The following CASK variants were observed in gnomAD, a reference collection of about 807,000 sequenced individuals.
CASK encodes the protein calcium/calmodulin dependent serine protein kinase.
A neutral mutation model predicts 82.9 loss-of-function variants in CASK; 4 were observed. The ratio of observed to expected loss-of-function variants is 0.05; its 90% CI spans 0.02 to 0.11. The LOEUF (loss-of-function observed/expected upper bound fraction) is 0.11. Among genes scored for constraint, CASK ranks in the 10% least tolerant of loss-of-function variants. The pLI is 1.00. For synonymous variants in CASK, 259 were observed against 253.5 expected, an observed-to-expected ratio of 1.02 and a Z score of -0.20; for missense variants, 358 against 720.9, an observed-to-expected ratio of 0.50 and a Z score of 5.76.
rs760351366 is a variant in CASK at position 41,602,322 on chromosome X, T to C, written c.1155+7582A>G. ...TTTCAGTATACAAATCCTACATTTT[T>C]TTTGTTCAATTTATTCCTATTTTAT... On this transcript the variant is annotated intron_variant, in intron 12 of 26. Coordinates refer to ENST00000378163, the MANE Select transcript of CASK (RefSeq NM_001367721.1). 3.6e-5 allele frequency among the ~76,000 whole-genome samples: 4 copies of C among 111,993 alleles called. No homozygotes were observed. The East Asian group carries it at 1.1e-3, about 31-fold the overall frequency.
chrX:41,914,035 C>A (rs921577406), intron 1 of CASK, among the ~76,000 whole-genome samples: 5 of 112,054 alleles, frequency 4.5e-5, no homozygotes, highest in Non-Finnish European at 7.5e-5. Flanking sequence ...CATGGAAGGA[C>A]TAGAGAGAGA....
intron 3 of CASK, among the ~76,000 whole-genome samples, chrX:41,761,537 T>C (rs750038751): frequency 3.6e-5 from 4 of 112,273 alleles, no homozygotes; most frequent in Non-Finnish European, 7.5e-5. Context: ...TAGGCAAGTT[T>C]CTGGCTAAAA....
intron 15 of CASK, among the ~76,000 whole-genome samples, chrX:41,573,075 CTTTTTTT>C (rs147599527): frequency 2.0e-4 from 18 of 87,912 alleles, no homozygotes; most frequent in East Asian, 3.5e-4. Context: ...TTTCTTTTTT[CTTTTTTT>C]TTTTTTTTTT....
chrX:41,555,071 C>G (rs1015582231), intron 20 of CASK, among the ~76,000 whole-genome samples: 2 of 112,612 alleles, frequency 1.8e-5, no homozygotes, highest in Non-Finnish European at 3.8e-5. Flanking sequence ...CAGTGTTAGG[C>G]AGCACTTAAC....
intron 18 of CASK, among the ~76,000 whole-genome samples, chrX:41,557,377 A>C (rs753410503): frequency 7.2e-5 from 8 of 111,776 alleles, no homozygotes; most frequent in Admixed American, 2.9e-4. Flanking sequence ...TGAGACCCAG[A>C]AGAGTGACTT....
At chrX:41,896,170 C>T (rs965736831) in intron 1 of CASK, among the ~76,000 whole-genome samples, 10 of 111,901 alleles carry the variant, frequency 8.9e-5, no homozygotes, top group African/African-American at 2.6e-4. Context: ...ACAAAAGATT[C>T]AATTTAGAAA....
intron 1 of CASK, among the ~76,000 whole-genome samples, chrX:41,912,699 G>A (rs947432392): frequency 9.4e-6 from 1 of 106,126 alleles, no homozygotes; most frequent in Non-Finnish European, 1.9e-5. Context: ...CGCTTTGGGA[G>A]GTTGGGGCAG....
intron 9 of CASK, among the ~76,000 whole-genome samples, chrX:41,634,867 G>C (rs2066527281): frequency 8.9e-6 from 1 of 112,234 alleles, no homozygotes. Flanking sequence ...AAACTTCTTT[G>C]GCTACCATCT....
At chrX:41,852,219 G>T (rs1398076717) in intron 2 of CASK, among the ~76,000 whole-genome samples, 3 of 111,385 alleles carry the variant, frequency 2.7e-5, no homozygotes, top group African/African-American at 9.8e-5. Context: ...TCCAGGAACA[G>T]ACAAACTTGA....
chrX:41,735,645 C>T (rs1240880740), intron 5 of CASK, among the ~76,000 whole-genome samples: 2 of 108,668 alleles, frequency 1.8e-5, no homozygotes, highest in Non-Finnish European at 3.8e-5. Context: ...CTCCTTTTTA[C>T]TCTCCTCTTT....
chrX:41,877,873 C>T (rs991622928), intron 1 of CASK, among the ~76,000 whole-genome samples: 23 of 110,744 alleles, frequency 2.1e-4, no homozygotes, highest in African/African-American at 7.2e-4. Context: ...GTGATGGCTA[C>T]ACAACATTGT....
At chrX:41,881,653 T>G (rs1441210305) in intron 1 of CASK, among the ~76,000 whole-genome samples, 3 of 111,995 alleles carry the variant, frequency 2.7e-5, no homozygotes. Context: ...TTTAGTTCAC[T>G]ACTTCAAAAA....
At chrX:41,637,378 C>CTTTTTTTT (rs758261036) in intron 8 of CASK, among the ~76,000 whole-genome samples, 4 of 36,893 alleles carry the variant, frequency 1.1e-4, no homozygotes, top group Non-Finnish European at 1.3e-4. Flanking sequence ...TTAGGACACG[C>CTTTTTTTT]TTTTTTTTTT....
chrX:41,583,002 G>A (rs1328097072), intron 14 of CASK, among the ~76,000 whole-genome samples: 1 of 111,871 alleles, frequency 8.9e-6, no homozygotes, highest in African/African-American at 3.3e-5. Context: ...GTTCCATGAG[G>A]GCAGGGATCT....
intron 22 of CASK, among the ~76,000 whole-genome samples, chrX:41,540,330 T>C (rs1347940984): frequency 8.9e-6 from 1 of 112,244 alleles, no homozygotes; most frequent in African/African-American, 3.2e-5. Flanking sequence ...AATTCTGTTC[T>C]ACCCCTATTA....
chrX:41,624,295 C>G, intron 10 of CASK: 1 of 352,857 alleles, frequency 2.8e-6, no homozygotes, highest in Non-Finnish European at 5.5e-6. Context: ...GGGACCACAC[C>G]TATAAACACA....
chrX:41,734,465 T>G (rs1447947285), intron 5 of CASK, among the ~76,000 whole-genome samples: 1 of 109,722 alleles, frequency 9.1e-6, no homozygotes, highest in Non-Finnish European at 1.9e-5. Context: ...AATTTAGGGG[T>G]GAGAGGAAGA....
At chrX:41,659,833 C>T (rs2067003349) in intron 8 of CASK, among the ~76,000 whole-genome samples, 1 of 109,615 alleles carries the variant, frequency 9.1e-6, no homozygotes, top group Non-Finnish European at 1.9e-5. Flanking sequence ...ACCCCCATCT[C>T]TACAAAAAAT....
intron 21 of CASK, among the ~76,000 whole-genome samples, chrX:41,546,769 C>T (rs1276726153): frequency 1.8e-5 from 2 of 111,598 alleles, no homozygotes; most frequent in East Asian, 2.8e-4. Context: ...TGAGTCACCA[C>T]GCCTGGTCAT....
Sources: gnomAD v4.1 joint callset for allele counts (sites outside exome capture counted in the v4.1 genomes callset) on GRCh38, gnomAD v4.1.1 for gene constraint, MANE v1.5 for transcripts, NCBI Gene and HGNC (gene_info 2026-07-23, HGNC 2026-07-21) for gene names.